DOK6: variants seen among roughly 807,000 people sequenced by gnomAD.
DOK6 encodes the protein docking protein 6, also known as downstream of tyrosine kinase 6.
In DOK6, 22 loss-of-function variants were observed where a neutral mutation model predicts 44.0. The observed-to-expected ratio is 0.50, with a 90% CI of 0.36 to 0.71. DOK6 has a LOEUF of 0.71. DOK6 is among the 30% of genes least tolerant of loss of function. The pLI is 0.00. For synonymous variants in DOK6, 166 were observed against 145.5 expected (o/e 1.14, Z -1.01); for missense variants, 340 against 416.4 (o/e 0.82, Z 1.60).
At chr18:69,401,420 C>G in intron 1 of DOK6, 110 bp downstream of exon 1, 1 of 1,237,702 alleles carries the variant, frequency 8.1e-7, no homozygotes, top group South Asian at 2.1e-5. Flanking sequence ...CAGAGAGGGA[C>G]CCGGCCCTTA....
chr18:69,583,937 T>C (rs1983430484), intron 2 of DOK6, among the ~76,000 whole-genome samples: 1 of 151,740 alleles, frequency 6.6e-6, no homozygotes, highest in African/African-American at 2.4e-5. Flanking sequence ...TGAAACCCCG[T>C]CCCTACTAAA....
At chr18:69,623,589 A>C (rs1347682142) in intron 3 of DOK6, among the ~76,000 whole-genome samples, 1 of 152,148 alleles carries the variant, frequency 6.6e-6, no homozygotes, top group Non-Finnish European at 1.5e-5. Context: ...AGGGCACTGG[A>C]AACAGAGGGA....
chr18:69,844,684 T>C lies in DOK6; in HGVS notation c.*3301T>C, dbSNP rs1270896845. 1.3e-5 allele frequency: 2 copies of C among 152,232 alleles called. No individual in the cohort carries two copies. The highest frequency in any genetic ancestry group is 4.8e-5 in the African/African-American group (2 of 41,466). 9.4% of individuals were successfully genotyped at this position (152,232 alleles called of 1,614,324 possible). A position where few individuals can be genotyped will look rare whatever the true frequency, so the allele number is the denominator to read the frequency against. ...CAAATATGTATGAAGCAATAGGTTCTGGCCACTGCCACAATTTGAAATCAA... is the reference window on the plus strand; with the variant it reads ...CAAATATGTATGAAGCAATAGGTTCCGGCCACTGCCACAATTTGAAATCAA... On this transcript the variant is annotated 3_prime_UTR_variant, in exon 8 of 8. Transcript: ENST00000382713.
At chr18:69,666,701 AGGAAT>A (rs901793304) in intron 3 of DOK6, among the ~76,000 whole-genome samples, 4 of 152,202 alleles carry the variant, frequency 2.6e-5, no homozygotes, top group African/African-American at 9.6e-5. Context: ...TGTGAGATGA[AGGAAT>A]GGAATGAGTT....
chr18:69,609,207 T>A (rs10439009), intron 3 of DOK6, among the ~76,000 whole-genome samples: 1 of 151,886 alleles, frequency 6.6e-6, no homozygotes, highest in African/African-American at 2.4e-5. Context: ...ATCAACAGGA[T>A]GAAAAGGCAA....
intron 7 of DOK6, among the ~76,000 whole-genome samples, chr18:69,809,565 G>GAC (rs57753226): frequency 0.016 from 2,319 of 146,180 alleles, 62 homozygotes; most frequent in African/African-American, 0.055. Context: ...CACACACACA[G>GAC]ACACACACAC....
chr18:69,608,875 G>A lies in DOK6; in HGVS notation c.289+9377G>A, dbSNP rs1349418155. On this transcript the variant is annotated intron_variant, in intron 3 of 7. Transcript: ENST00000382713. ...TGAGGCAGGTGAATCGCTTCAACCC[G>A]GGAGGTGGAGGTTGCAGTGAGCCGA... Among the ~76,000 whole-genome samples, 7 of 151,134 alleles carry A rather than the reference G, an allele frequency of 4.6e-5. No individual in the cohort carries two copies. In the South Asian group the frequency reaches 1.1e-3, roughly 23 times the overall value.
At chr18:69,798,258 G>T (rs1568129237) in intron 7 of DOK6, among the ~76,000 whole-genome samples, 1 of 152,054 alleles carries the variant, frequency 6.6e-6, no homozygotes, top group Non-Finnish European at 1.5e-5. Context: ...TACCATAAAG[G>T]TCAAGACAAT....
chr18:69,818,548 C>T (rs1171058494), intron 7 of DOK6, among the ~76,000 whole-genome samples: 1 of 152,170 alleles, frequency 6.6e-6, no homozygotes, highest in Non-Finnish European at 1.5e-5. Context: ...CCTCAGCCTA[C>T]TTTTCAGGAC....
chr18:69,772,707 A>C (rs960406206), intron 7 of DOK6, among the ~76,000 whole-genome samples: 1 of 152,026 alleles, frequency 6.6e-6, no homozygotes, highest in Non-Finnish European at 1.5e-5. Context: ...TCAACTCAAA[A>C]TGGTTTAAAG....
intron 1 of DOK6, among the ~76,000 whole-genome samples, chr18:69,537,009 T>TATTATTA: frequency 6.9e-6 from 1 of 145,620 alleles, no homozygotes. Context: ...TTATTATTAT[T>TATTATTA]TTATAAAATA....
chr18:69,816,874 T>G (rs1981413699), intron 7 of DOK6, among the ~76,000 whole-genome samples: 1 of 152,096 alleles, frequency 6.6e-6, no homozygotes, highest in Non-Finnish European at 1.5e-5. Context: ...CAGCAAAAAC[T>G]TCAACAGGGT....
intron 3 of DOK6, among the ~76,000 whole-genome samples, chr18:69,642,479 G>C (rs1369658139): frequency 6.6e-6 from 1 of 152,138 alleles, no homozygotes; most frequent in Non-Finnish European, 1.5e-5. Context: ...ATAATATAAT[G>C]AGACTTCATC....
At chr18:69,468,222 G>A (rs1979983255) in intron 1 of DOK6, among the ~76,000 whole-genome samples, 1 of 152,074 alleles carries the variant, frequency 6.6e-6, no homozygotes, top group Non-Finnish European at 1.5e-5. Context: ...GGAGGTTCCT[G>A]TATTTCAGGA....
intron 3 of DOK6, among the ~76,000 whole-genome samples, chr18:69,655,555 C>A (rs1985338981): frequency 6.6e-6 from 1 of 151,720 alleles, no homozygotes; most frequent in Non-Finnish European, 1.5e-5. Context: ...GAGTTTGAGA[C>A]CACCCTGGGC....
At chr18:69,696,199 T>C (rs898981992) in intron 4 of DOK6, among the ~76,000 whole-genome samples, 2 of 152,196 alleles carry the variant, frequency 1.3e-5, no homozygotes. Flanking sequence ...TCTCCTTGCT[T>C]ATTTTTCCTA....
At chr18:69,637,849 G>C (rs1476247306) in intron 3 of DOK6, among the ~76,000 whole-genome samples, 1 of 151,362 alleles carries the variant, frequency 6.6e-6, no homozygotes, top group Admixed American at 6.6e-5. Context: ...AAAAATCAAA[G>C]GACCTTGACA....
chr18:69,809,290 G>A (rs1231656191), intron 7 of DOK6, among the ~76,000 whole-genome samples: 4 of 151,662 alleles, frequency 2.6e-5, no homozygotes, highest in Non-Finnish European at 4.4e-5. Context: ...ATTAGGTATA[G>A]AAAGAATATA....
chr18:69,691,591 A>G (rs1986269079), intron 4 of DOK6, among the ~76,000 whole-genome samples: 1 of 152,190 alleles, frequency 6.6e-6, no homozygotes, highest in Non-Finnish European at 1.5e-5. Context: ...AGTTTTCACC[A>G]TGGTGAACCT....
Sources: gnomAD v4.1 joint callset for allele counts (sites outside exome capture counted in the v4.1 genomes callset) on GRCh38, gnomAD v4.1.1 for gene constraint, MANE v1.5 for transcripts, NCBI Gene and HGNC (gene_info 2026-07-23, HGNC 2026-07-21) for gene names.